SLC22A24: variants seen among roughly 807,000 people sequenced by gnomAD.
SLC22A24 encodes the protein solute carrier family 22 member 24.
A neutral mutation model predicts 49.8 loss-of-function variants in SLC22A24; 53 were observed. The observed-to-expected ratio is 1.06, with a 90% CI of 0.85 to 1.34. SLC22A24 has a LOEUF of 1.34. SLC22A24 is among the 40% of genes most tolerant of loss of function. The pLI, the probability that SLC22A24 is intolerant of heterozygous loss-of-function variation, is 0.00. For missense variants in SLC22A24, 786 were observed against 675.9 expected (o/e 1.16, Z -1.81); for synonymous variants, 302 against 256.4 (o/e 1.18, Z -1.70).
At chr11:63,089,715 G>A (rs1174521138) in intron 6 of SLC22A24, among the ~76,000 whole-genome samples, 1 of 151,966 alleles carries the variant, frequency 6.6e-6, no homozygotes, top group Non-Finnish European at 1.5e-5. Flanking sequence ...CAAGAAAATG[G>A]CAAGCAAAAA....
intron 2 of SLC22A24, among the ~76,000 whole-genome samples, chr11:63,122,447 T>C (rs1040333443): frequency 6.6e-6 from 1 of 152,184 alleles, no homozygotes; most frequent in Non-Finnish European, 1.5e-5. Context: ...TCATGACTAA[T>C]GTGTTAGGGC....
Position 63,112,508 on chromosome 11 carries a change from C to T in SLC22A24, c.830+6404G>A, listed in dbSNP as rs146439734. Reference sequence around the variant, plus strand: ...CTAAGTCTCTTTGTAGGTCTTCTTTCTTCTTTATTAGTCTTGCTAGCAGTC... The same window carrying T: ...CTAAGTCTCTTTGTAGGTCTTCTTTTTTCTTTATTAGTCTTGCTAGCAGTC... On this transcript the variant is annotated intron_variant, in intron 4 of 9. Coordinates refer to ENST00000612278, the MANE Select transcript of SLC22A24 (RefSeq NM_001136506.2). 7.8e-4 allele frequency among the ~76,000 whole-genome samples: 118 copies of T among 152,030 alleles called. 1 individual carries two copies. The Middle Eastern group carries it at 0.01, about 13-fold the overall frequency.
chr11:63,114,893 T>C (rs2087200640), intron 4 of SLC22A24, among the ~76,000 whole-genome samples: 1 of 152,202 alleles, frequency 6.6e-6, no homozygotes, highest in Admixed American at 6.5e-5. Context: ...GTGGAGGTTT[T>C]GCAGAACAGC....
intron 6 of SLC22A24, among the ~76,000 whole-genome samples, chr11:63,095,171 G>T (rs939856227): frequency 2.0e-5 from 3 of 151,948 alleles, no homozygotes; most frequent in Admixed American, 1.3e-4. Flanking sequence ...AGGTGTAAGG[G>T]ATCCAGTTTC....
At chr11:63,132,115 G>A (rs113251439) in intron 2 of SLC22A24, among the ~76,000 whole-genome samples, 18,028 of 152,112 alleles carry the variant, frequency 0.12, 1,201 homozygotes, top group Middle Eastern at 0.16. Context: ...CTCATGCTGT[G>A]GTTTTCAGCT....
At chr11:63,084,714 C>T (rs966336952) in intron 6 of SLC22A24, among the ~76,000 whole-genome samples, 5 of 152,078 alleles carry the variant, frequency 3.3e-5, no homozygotes, top group Non-Finnish European at 7.4e-5. Context: ...GTGTAGAAAC[C>T]CGGCTCACAG....
chr11:63,122,442 A>G (rs2087258527), intron 2 of SLC22A24, among the ~76,000 whole-genome samples: 1 of 152,184 alleles, frequency 6.6e-6, no homozygotes, highest in Non-Finnish European at 1.5e-5. Context: ...AACTCTCATG[A>G]CTAATGTGTT....
intron 6 of SLC22A24, among the ~76,000 whole-genome samples, chr11:63,089,752 G>A (rs538240755): frequency 6.6e-6 from 1 of 152,060 alleles, no homozygotes; most frequent in South Asian, 2.1e-4. Context: ...CTTAGTCTCT[G>A]ATAAAACAGA....
chr11:63,100,238 T>C (rs867423744), intron 5 of SLC22A24, among the ~76,000 whole-genome samples: 10 of 151,822 alleles, frequency 6.6e-5, no homozygotes, highest in African/African-American at 2.2e-4. Flanking sequence ...AGATACAAAA[T>C]CAACATAAAA....
intron 2 of SLC22A24, among the ~76,000 whole-genome samples, chr11:63,129,324 CA>C (rs559668337): frequency 1.4e-3 from 216 of 152,202 alleles, no homozygotes; most frequent in African/African-American, 4.8e-3. Flanking sequence ...TATTCTGTTC[CA>C]TCGGTCTATA....
At chr11:63,142,776 C>G (rs2087423545) in intron 1 of SLC22A24, among the ~76,000 whole-genome samples, 1 of 152,082 alleles carries the variant, frequency 6.6e-6, no homozygotes, top group African/African-American at 2.4e-5. Flanking sequence ...AGCTTTGACT[C>G]CCTATGATTT....
chr11:63,094,860 CT>C (rs2087043363), intron 6 of SLC22A24, among the ~76,000 whole-genome samples: 1 of 151,940 alleles, frequency 6.6e-6, no homozygotes, highest in African/African-American at 2.4e-5. Context: ...TGTTTGAGTT[CT>C]TTGTAGATTC....
At chr11:63,120,132 C>T (rs1372287211) in intron 2 of SLC22A24, among the ~76,000 whole-genome samples, 1 of 150,828 alleles carries the variant, frequency 6.6e-6, no homozygotes, top group Non-Finnish European at 1.5e-5. Context: ...TTAATTAGAT[C>T]CCATTTGTCA....
intron 1 of SLC22A24, among the ~76,000 whole-genome samples, chr11:63,139,504 C>T (rs902532759): frequency 1.3e-5 from 2 of 152,156 alleles, no homozygotes; most frequent in Non-Finnish European, 2.9e-5. Context: ...GAACACTTGA[C>T]TCTTTGCACA....
At chr11:63,083,024 G>A (rs1013398333) in intron 7 of SLC22A24, among the ~76,000 whole-genome samples, 2 of 152,132 alleles carry the variant, frequency 1.3e-5, no homozygotes, top group Admixed American at 6.5e-5. Flanking sequence ...GAAGACAACC[G>A]TGTGTCTGAA....
At chr11:63,111,576 G>T (rs1346306053) in intron 4 of SLC22A24, among the ~76,000 whole-genome samples, 2 of 152,082 alleles carry the variant, frequency 1.3e-5, no homozygotes, top group Middle Eastern at 3.4e-3. Context: ...GTTTAGTCTT[G>T]GGAGAGTGTA....
At chr11:63,082,214 G>A (rs2086964171) in intron 7 of SLC22A24, among the ~76,000 whole-genome samples, 1 of 152,128 alleles carries the variant, frequency 6.6e-6, no homozygotes, top group East Asian at 1.9e-4. Context: ...GGTTTATTTG[G>A]GAGTGGACAG....
chr11:63,128,836 C>T (rs533388091), intron 2 of SLC22A24, among the ~76,000 whole-genome samples: 3 of 152,242 alleles, frequency 2.0e-5, no homozygotes, highest in East Asian at 1.9e-4. Flanking sequence ...GGGCCACTAC[C>T]AGTCTCCGCG....
At chr11:63,127,220 C>G (rs891419771) in intron 2 of SLC22A24, among the ~76,000 whole-genome samples, 2 of 152,084 alleles carry the variant, frequency 1.3e-5, no homozygotes, top group African/African-American at 4.8e-5. Context: ...TAAGTGAGAA[C>G]ATGTGGTGTT....
Sources: allele counts gnomAD v4.1 joint callset (sites outside exome capture counted in the v4.1 genomes callset), GRCh38; gene constraint gnomAD v4.1.1; transcripts MANE v1.5; gene names NCBI Gene and HGNC (gene_info 2026-07-23, HGNC 2026-07-21).